The following RPS6KC1 variants were observed in gnomAD, a reference collection of about 807,000 sequenced individuals.
The protein encoded by RPS6KC1 is inactive ribosomal protein S6 kinase delta-1.
Under a neutral mutation model 103.8 loss-of-function variants are expected in RPS6KC1, and 54 were observed. The observed-to-expected ratio is 0.52, with a 90% CI of 0.42 to 0.65. RPS6KC1 has a LOEUF of 0.65. RPS6KC1 is among the 30% of genes least tolerant of loss of function. The pLI is 0.00. For synonymous variants in RPS6KC1, 439 were observed against 438.7 expected, an observed-to-expected ratio of 1.00 and a Z score of -0.01; for missense variants, 1,151 against 1,253.8, an observed-to-expected ratio of 0.92 and a Z score of 1.24.
At chr1:213,384,271 A>G in the RPS6KC1 span, among the ~76,000 whole-genome samples, 1,833 of 146,482 alleles carry the variant, frequency 0.013, 37 homozygotes, top group African/African-American at 0.047. Flanking sequence ...GCGAGACTCC[A>G]TCTCAAAAAA....
the RPS6KC1 span, among the ~76,000 whole-genome samples, chr1:213,635,973 AACAG>A: frequency 6.6e-6 from 1 of 152,210 alleles, no homozygotes. Context: ...ATACACCAAT[AACAG>A]ACAAACAAAG....
intron 4 of RPS6KC1, among the ~76,000 whole-genome samples, chr1:213,115,903 C>T (rs2083544787): frequency 6.6e-6 from 1 of 152,170 alleles, no homozygotes; most frequent in African/African-American, 2.4e-5. Flanking sequence ...TTTGATTGCA[C>T]TGTGGTCTGA....
At chr1:213,197,814 C>T (rs1483986110) in intron 8 of RPS6KC1, among the ~76,000 whole-genome samples, 1 of 152,072 alleles carries the variant, frequency 6.6e-6, no homozygotes, top group Non-Finnish European at 1.5e-5. Flanking sequence ...TACCTTTTTC[C>T]ATCCCTTTTC....
chr1:213,714,658 G>A, the RPS6KC1 span, among the ~76,000 whole-genome samples: 14 of 152,322 alleles, frequency 9.2e-5, no homozygotes, highest in South Asian at 4.1e-4. Context: ...ATTTGAATCC[G>A]TCCTCTGACC....
At chr1:213,822,782 C>T in the RPS6KC1 span, among the ~76,000 whole-genome samples, 39 of 152,322 alleles carry the variant, frequency 2.6e-4, 1 homozygote, top group East Asian at 5.4e-3. Flanking sequence ...TCTAACCTCA[C>T]TTCTCATGTC....
At chr1:213,719,078 T>C in the RPS6KC1 span, among the ~76,000 whole-genome samples, 1 of 152,214 alleles carries the variant, frequency 6.6e-6, no homozygotes, top group African/African-American at 2.4e-5. Flanking sequence ...CCATGGGCCA[T>C]TGTTTAAGGT....
chr1:213,218,425 T>C (rs1301050727), intron 8 of RPS6KC1, among the ~76,000 whole-genome samples: 15 of 152,020 alleles, frequency 9.9e-5, no homozygotes, highest in East Asian at 7.7e-4. Flanking sequence ...GAATCAATAT[T>C]GTGAAAATGG....
chr1:213,593,415 G>A, the RPS6KC1 span, among the ~76,000 whole-genome samples: 1 of 152,188 alleles, frequency 6.6e-6, no homozygotes, highest in Non-Finnish European at 1.5e-5. Flanking sequence ...CAGGCCAGGG[G>A]AAAATGGCTC....
the RPS6KC1 span, among the ~76,000 whole-genome samples, chr1:213,424,885 G>A: frequency 6.6e-6 from 1 of 152,068 alleles, no homozygotes; most frequent in South Asian, 2.1e-4. Flanking sequence ...CGCCAGCACC[G>A]CTCTTCTTCC....
At chr1:213,835,600 G>A in the RPS6KC1 span, among the ~76,000 whole-genome samples, 1 of 152,284 alleles carries the variant, frequency 6.6e-6, no homozygotes, top group Non-Finnish European at 1.5e-5. Context: ...TCTGCACAGA[G>A]GAATAGCATG....
At chr1:213,383,444 A>G in the RPS6KC1 span, among the ~76,000 whole-genome samples, 1 of 152,056 alleles carries the variant, frequency 6.6e-6, no homozygotes, top group Non-Finnish European at 1.5e-5. Flanking sequence ...TTGAAAGTAG[A>G]CCTTTGGGAT....
the RPS6KC1 span, among the ~76,000 whole-genome samples, chr1:213,413,427 G>A: frequency 6.6e-6 from 1 of 152,194 alleles, no homozygotes; most frequent in Non-Finnish European, 1.5e-5. Context: ...GGAGCTGGGA[G>A]GTTGGAGTGG....
the RPS6KC1 span, among the ~76,000 whole-genome samples, chr1:213,496,261 C>G: frequency 2.1e-3 from 313 of 152,124 alleles, no homozygotes; most frequent in African/African-American, 7.2e-3. Flanking sequence ...TATGCTAAAC[C>G]TACTTATTAA....
intron 1 of RPS6KC1, among the ~76,000 whole-genome samples, chr1:213,065,166 G>A (rs2078214796): frequency 7.0e-6 from 1 of 142,414 alleles, no homozygotes; most frequent in Admixed American, 7.2e-5. Flanking sequence ...TAGTAGAGAT[G>A]GGATTTCACC....
At chr1:213,499,769 T>C in the RPS6KC1 span, among the ~76,000 whole-genome samples, 2 of 152,164 alleles carry the variant, frequency 1.3e-5, no homozygotes, top group Admixed American at 1.3e-4. Flanking sequence ...CTATTGCTCC[T>C]AGACTACAAA....
the RPS6KC1 span, among the ~76,000 whole-genome samples, chr1:213,587,821 G>A: frequency 6.6e-6 from 1 of 152,202 alleles, no homozygotes. Flanking sequence ...CCCACTGAGT[G>A]TTATCTCCCC....
the RPS6KC1 span, among the ~76,000 whole-genome samples, chr1:213,381,374 T>C: frequency 6.6e-6 from 1 of 152,062 alleles, no homozygotes; most frequent in Non-Finnish European, 1.5e-5. Context: ...CGGGTGCTTA[T>C]GGGGCCAACC....
At chr1:213,505,581 A>C in the RPS6KC1 span, among the ~76,000 whole-genome samples, 1 of 152,236 alleles carries the variant, frequency 6.6e-6, no homozygotes, top group Non-Finnish European at 1.5e-5. Flanking sequence ...ACTGGCTGAC[A>C]CATCGTAAGT....
chr1:213,641,635 G>A, the RPS6KC1 span, among the ~76,000 whole-genome samples: 3 of 152,086 alleles, frequency 2.0e-5, no homozygotes, highest in East Asian at 5.8e-4. Flanking sequence ...GCATGTGTGG[G>A]TTAAAGCTTA....
Sources: allele counts gnomAD v4.1 joint callset (sites outside exome capture counted in the v4.1 genomes callset), GRCh38; gene constraint gnomAD v4.1.1; transcripts MANE v1.5; gene names NCBI Gene and HGNC (gene_info 2026-07-23, HGNC 2026-07-21).